The following OAF variants were observed in gnomAD, a reference collection of about 807,000 sequenced individuals.
OAF encodes the protein out at first protein homolog.
Under a neutral mutation model 22.5 loss-of-function variants are expected in OAF, and 13 were observed. The observed-to-expected ratio is 0.58, with a 90% CI of 0.38 to 0.92. OAF has a LOEUF of 0.92. OAF is among the 40% of genes least tolerant of loss of function. OAF has a pLI of 0.00. For missense variants in OAF, 347 were observed against 381.8 expected, an observed-to-expected ratio of 0.91 and a Z score of 0.76; for synonymous variants, 175 against 170.5, an observed-to-expected ratio of 1.03 and a Z score of -0.21.
chr11:120,228,821 T>TACCAG, intron 3 of OAF, 47 bp from the exon 4 acceptor site: 22 of 520,266 alleles, frequency 4.2e-5, no homozygotes, highest in Non-Finnish European at 5.8e-5. Flanking sequence ...GGGAGCTCCT[T>TACCAG]CCCTCCCTCC....
chr11:120,215,009 T>C (rs979095367), intron 1 of OAF, among the ~76,000 whole-genome samples: 10 of 152,170 alleles, frequency 6.6e-5, no homozygotes, highest in African/African-American at 1.4e-4. Flanking sequence ...ACCCTACCAG[T>C]GAAATCAGAA....
chr11:120,229,068 A>C lies in OAF; in HGVS notation c.748A>C (p.Lys250Gln), dbSNP rs867444448. The C allele has an allele frequency of 1.2e-5, 20 of 1,613,704 alleles. 1 individual carries two copies. In the Middle Eastern group the frequency reaches 2.5e-3, roughly 200 times the overall value. ...PYKCGIRSCQ[K>Q]SYSFDFYVPQ... ...CAAGTGTGGCATCCGCAGCTGCCAG[A>C]AGAGCTACAGCTTCGACTTCTACGT... The change falls in exon 4 of 4, where the codon AAG becomes CAG. Residue 250 changes from lysine to glutamine, a missense_variant. Transcript: ENST00000328965.
chr11:120,218,825 A>G (rs1472247662), intron 1 of OAF, among the ~76,000 whole-genome samples: 1 of 151,940 alleles, frequency 6.6e-6, no homozygotes, highest in Non-Finnish European at 1.5e-5. Flanking sequence ...CCTCCCCCCA[A>G]ACCCCAGGGC....
intron 3 of OAF, 43 bp from the exon 4 acceptor site, chr11:120,228,825 T>TGCCAG: frequency 2.3e-6 from 1 of 434,174 alleles, no homozygotes; most frequent in Non-Finnish European, 4.7e-6. Flanking sequence ...GCTCCTTCCC[T>TGCCAG]CCCTCCCTCC....
chr11:120,227,054 A>G (rs1337621683), intron 3 of OAF, 58 bp downstream of exon 3: 3 of 1,288,800 alleles, frequency 2.3e-6, no homozygotes, highest in Non-Finnish European at 3.3e-6. Context: ...ACAGGGAGAC[A>G]GCACAGAGCA....
intron 1 of OAF, among the ~76,000 whole-genome samples, chr11:120,215,031 G>A (rs925204901): frequency 6.6e-6 from 1 of 152,238 alleles, no homozygotes; most frequent in Non-Finnish European, 1.5e-5. Context: ...ATCTCAGGGT[G>A]GGAGTCAGGC....
intron 2 of OAF, among the ~76,000 whole-genome samples, chr11:120,226,426 C>T (rs764417584): frequency 4.6e-5 from 7 of 152,370 alleles, no homozygotes; most frequent in African/African-American, 1.2e-4. Flanking sequence ...CTCGCCCCTG[C>T]GCTTTGCCTG....
rs1038972926 is a variant in OAF at position 120,211,413 on chromosome 11, A to G, written c.134A>G (p.Glu45Gly). The G allele has an allele frequency of 1.9e-6, 3 of 1,541,104 alleles. No homozygotes were observed. Among genetic ancestry groups the G allele is most frequent in the Non-Finnish European group, 2.6e-6 (3 of 1,145,906 alleles). ...CGGCTGCCGGACGGCCAGGTGACCGAGGAGAGCCTGCAGGCGGACAGCGAC... is the reference window on the plus strand; with the variant it reads ...CGGCTGCCGGACGGCCAGGTGACCGGGGAGAGCCTGCAGGCGGACAGCGAC... Reference protein sequence around the residue: ...RVRLPDGQVTEESLQADSDAD... With the variant: ...RVRLPDGQVTGESLQADSDAD... Residue 45 changes from glutamate to glycine, a missense_variant, in exon 1 of 4, where the codon GAG becomes GGG. Coordinates refer to ENST00000328965, the MANE Select transcript of OAF (RefSeq NM_178507.4).
intron 1 of OAF, among the ~76,000 whole-genome samples, chr11:120,212,689 C>T (rs2135088297): frequency 6.7e-6 from 1 of 150,258 alleles, no homozygotes; most frequent in South Asian, 2.2e-4. Flanking sequence ...GTTAGGGACC[C>T]AGCCAGATTG....
chr11:120,228,472 A>G (rs1938391270), intron 3 of OAF, among the ~76,000 whole-genome samples: 2 of 152,082 alleles, frequency 1.3e-5, no homozygotes, highest in Admixed American at 1.3e-4. Flanking sequence ...GTGATTTTTT[A>G]AAGCATTGGG....
intron 1 of OAF, among the ~76,000 whole-genome samples, chr11:120,220,334 G>A (rs568609693): frequency 1.3e-5 from 2 of 152,200 alleles, no homozygotes; most frequent in African/African-American, 4.8e-5. Flanking sequence ...CAGCACTCAC[G>A]ACCCTTCCCC....
intron 1 of OAF, among the ~76,000 whole-genome samples, chr11:120,212,879 T>C (rs1461349794): frequency 6.8e-6 from 1 of 147,630 alleles, no homozygotes; most frequent in Non-Finnish European, 1.5e-5. Context: ...TAGCCCATCC[T>C]TACTCCGCAG....
intron 1 of OAF, among the ~76,000 whole-genome samples, chr11:120,218,574 C>G (rs1334863743): frequency 6.6e-6 from 1 of 152,248 alleles, no homozygotes; most frequent in Non-Finnish European, 1.5e-5. Context: ...ATCATGCTCT[C>G]TGGTGTGACA....
At chr11:120,224,465 G>A (rs1186050541) in intron 1 of OAF, among the ~76,000 whole-genome samples, 1 of 152,340 alleles carries the variant, frequency 6.6e-6, no homozygotes, top group East Asian at 1.9e-4. Flanking sequence ...TTAGGGGAAA[G>A]CCTGGAGGAC....
intron 1 of OAF, among the ~76,000 whole-genome samples, chr11:120,213,535 A>C (rs1422056387): frequency 6.6e-6 from 1 of 152,148 alleles, no homozygotes; most frequent in African/African-American, 2.4e-5. Flanking sequence ...AGCTTTCCCA[A>C]GTCCCTTTAA....
At chr11:120,224,989 G>T (rs1938331492) in intron 1 of OAF, among the ~76,000 whole-genome samples, 1 of 152,202 alleles carries the variant, frequency 6.6e-6, no homozygotes, top group African/African-American at 2.4e-5. Flanking sequence ...TAACAGGAAG[G>T]AGCCCTTGGA....
rs1938407947 is a variant in OAF, at chr11:120,229,406, C to G, written c.*264C>G. The G allele has an allele frequency of 6.2e-6, 3 of 482,300 alleles. No homozygotes were observed. The highest frequency in any genetic ancestry group is 1.1e-5 in the Non-Finnish European group (3 of 260,996). The allele number at this position is 482,300 out of a possible 1,614,324, so 29.9% of individuals were successfully genotyped here. A position where few individuals can be genotyped will look rare whatever the true frequency, so the allele number is the denominator to read the frequency against. On this transcript the variant is annotated 3_prime_UTR_variant, in exon 4 of 4. Transcript: ENST00000328965. ...AAGGGCTCCCCAGATCTACACCCCT[C>G]CCTCCTGCATCTCCCCTGGAGTGTT...
At chr11:120,219,087 C>T (rs541337405) in intron 1 of OAF, among the ~76,000 whole-genome samples, 58 of 137,002 alleles carry the variant, frequency 4.2e-4, no homozygotes, top group Admixed American at 8.4e-4. Flanking sequence ...TGTGCCCTGA[C>T]GCTGGGCATG....
chr11:120,225,621 C>G (rs781039302), intron 1 of OAF, 40 bp from the exon 2 acceptor site: 6 of 1,533,516 alleles, frequency 3.9e-6, no homozygotes. Context: ...GGGAAGGTCC[C>G]ACACCCTCCA....
Sources: allele counts gnomAD v4.1 joint callset (sites outside exome capture counted in the v4.1 genomes callset), GRCh38; gene constraint gnomAD v4.1.1; transcripts MANE v1.5; gene names NCBI Gene and HGNC (gene_info 2026-07-23, HGNC 2026-07-21).